NBPF10: variants seen among roughly 807,000 people sequenced by gnomAD.
NBPF10 encodes the protein NBPF member 10.
A neutral mutation model predicts 77.9 loss-of-function variants in NBPF10; 63 were observed. The observed-to-expected ratio is 0.81, with a 90% CI of 0.66 to 1.00. The LOEUF (loss-of-function observed/expected upper bound fraction) is 1.00, where lower values mean the gene tolerates loss of function less well. Ranked by LOEUF, NBPF10 falls within the 50% of genes least tolerant of loss-of-function variation. The pLI, the probability that NBPF10 is intolerant of heterozygous loss-of-function variation, is 0.00. For synonymous variants in NBPF10, 146 were observed against 264.5 expected, an observed-to-expected ratio of 0.55 and a Z score of 4.35; for missense variants, 522 against 679.8, an observed-to-expected ratio of 0.77 and a Z score of 2.58.
At chr1:146,139,356 G>A (rs79498132) in intron 5 of NBPF10, among the ~76,000 whole-genome samples, 13 of 151,112 alleles carry the variant, frequency 8.6e-5, no homozygotes, top group African/African-American at 1.5e-4. Context: ...TGATCCACCC[G>A]CCTCGGCCTC....
At chr1:146,069,569 C>T (rs374175846) in exon 86 of NBPF10, 484,573 of 879,198 alleles carry the variant, frequency 0.55, 85,557 homozygotes, top group Admixed American at 0.64. Context: ...CAAGCCAACA[C>T]GCTGTTGCTC....
Position 146,069,639 on chromosome 1 carries a change from A to C in NBPF10, c.10714T>G (p.Ser3572Ala), listed in dbSNP as rs782059720. 1.5e-5 allele frequency: 24 copies of C among 1,553,676 alleles called. No individual in the cohort carries two copies. The East Asian group carries it at 4.1e-4, about 26-fold the overall frequency. ...GAGTCACACAGTTCAAGACAACCTG[A>C]AGGAGTTGAATAACATCTATCCAGT... The change falls in exon 86 of 90, where the codon TCA (serine) becomes GCA (alanine). Residue 3572 changes from serine (S) to alanine (A), a missense_variant. Around this residue, in one of 9 missense-constraint regions of NBPF10, gnomAD observed 183 missense variants for 96.6 expected, o/e 1.89. Transcript: ENST00000583866.
intron 14 of NBPF10, 32 bp downstream of exon 14, chr1:146,126,204 G>A (rs782414421): frequency 1.8e-5 from 24 of 1,302,338 alleles, no homozygotes; most frequent in Non-Finnish European, 2.7e-5. Flanking sequence ...AGACTCAGTG[G>A]ATCCTTATCA....
intron 89 of NBPF10, 56 bp from the exon 90 acceptor site, chr1:146,066,617 C>G (rs1157558628): frequency 5.6e-6 from 3 of 533,596 alleles, no homozygotes; most frequent in African/African-American, 4.6e-5. Flanking sequence ...CACCACAGAG[C>G]CCCAGCTAGA....
chr1:146,109,358 A>AAT (rs2102117255), intron 35 of NBPF10, among the ~76,000 whole-genome samples: 1 of 58,910 alleles, frequency 1.7e-5, no homozygotes, highest in African/African-American at 5.0e-5. Context: ...AGAGAGAGAG[A>AAT]GAGAACGAGC....
intron 88 of NBPF10, among the ~76,000 whole-genome samples, chr1:146,067,769 G>C (rs1230381607): frequency 5.3e-4 from 81 of 151,482 alleles, no homozygotes; most frequent in African/African-American, 1.8e-3. Context: ...CATGAGAATA[G>C]GATCAGGGCG....
rs2102240791 is a variant in NBPF10 at position 146,144,629 on chromosome 1, CAGTTG to C, written c.136_140del (p.Gln46GlyfsTer14). 2 of 1,237,124 alleles carry C rather than the reference CAGTTG, an allele frequency of 1.6e-6. 1 individual carries two copies. The highest frequency in any genetic ancestry group is 7.7e-5 in the African/African-American group (2 of 25,840). 76.6% of individuals were successfully genotyped at this position (1,237,124 alleles called of 1,614,324 possible). On this transcript the variant is annotated frameshift_variant, in exon 1 of 90. Coordinates refer to ENST00000583866, the Ensembl canonical transcript of NBPF10. LOFTEE classifies it high-confidence loss of function. ...TCTGTCGGTTGGCCAGGAAGCCGGC[CAGTTG>C]AGTTAGAAAACATTTCTCTTTGAGG...
In NBPF10 at chr1:146,141,742, C is replaced by T. The variant is rs782274920; in HGVS notation, c.355G>A (p.Ala119Thr). Reference sequence around the variant, plus strand: ...AGATGCTCATACAATGAGCGGGAGGCATCTCTCCCTTCCCGTAACTTCTCC... The same window carrying T: ...AGATGCTCATACAATGAGCGGGAGGTATCTCTCCCTTCCCGTAACTTCTCC... The change falls in exon 3 of 90, where the codon GCC (alanine) becomes ACC (threonine). Residue 119 changes from alanine (A) to threonine (T), a missense_variant. This residue lies in a region of NBPF10 where 71 missense variants were observed against 114.9 expected (regional missense o/e 0.62). Coordinates refer to ENST00000583866, the Ensembl canonical transcript of NBPF10. 6.3e-5 allele frequency: 83 copies of T among 1,326,374 alleles called. 26 individuals carry two copies. Among genetic ancestry groups the T allele is most frequent in the Non-Finnish European group, 7.7e-5 (74 of 959,208 alleles). The allele number at this position is 1,326,374 out of a possible 1,614,324, so 82.2% of individuals were successfully genotyped here. A position where few individuals can be genotyped will look rare whatever the true frequency, so the allele number is the denominator to read the frequency against.
At chr1:146,069,890 A>C (rs1307232900) in intron 85 of NBPF10, among the ~76,000 whole-genome samples, 175 bp from the exon 86 acceptor site, 1 of 115,788 alleles carries the variant, frequency 8.6e-6, no homozygotes, top group African/African-American at 3.4e-5. Flanking sequence ...GGTAGAAAAC[A>C]ATGAAAGAGA....
rs1443240190 is a variant in NBPF10 at position 146,067,571 on chromosome 1, T to C, written c.11036-283A>G. 4.0e-5 allele frequency among the ~76,000 whole-genome samples: 6 copies of C among 150,226 alleles called. No homozygotes were observed. In the South Asian group the frequency reaches 1.1e-3, roughly 26 times the overall value. On this transcript the variant is annotated intron_variant, in intron 88 of 89. Coordinates refer to ENST00000583866, the Ensembl canonical transcript of NBPF10. Reference sequence around the variant, plus strand: ...TTACGCCATATTTTTCCAATCAACGTAAAGCAAATACCCTCAATGATTTCT... The same window carrying C: ...TTACGCCATATTTTTCCAATCAACGCAAAGCAAATACCCTCAATGATTTCT...
intron 11 of NBPF10, among the ~76,000 whole-genome samples, chr1:146,129,381 A>C (rs1659058363): frequency 7.6e-6 from 1 of 131,852 alleles, no homozygotes. Context: ...GATCAAGTGC[A>C]AGAAATGGTA....
rs782369517 is a variant in NBPF10 at position 146,126,426 on chromosome 1, A to C, written c.1854-18T>G. On this transcript the variant is annotated intron_variant, in intron 13 of 89. Coordinates refer to ENST00000583866, the Ensembl canonical transcript of NBPF10. ...TGCTGAGCGTGGAAAAGTAGGAAAA[A>C]GTAAAGAATAAGCCAGGGGGAATCA... 9.4e-7 allele frequency: 1 copy of C among 1,068,526 alleles called. No individual in the cohort carries two copies. The highest frequency in any genetic ancestry group is 1.3e-5 in the South Asian group (1 of 79,644). The allele number at this position is 1,068,526 out of a possible 1,614,324, so 66.2% of individuals were successfully genotyped here.
intron 19 of NBPF10, among the ~76,000 whole-genome samples, chr1:146,121,986 CTG>C (rs1658234397): frequency 1.7e-5 from 2 of 119,102 alleles, no homozygotes; most frequent in Non-Finnish European, 3.4e-5. Flanking sequence ...ACACAGCAAA[CTG>C]TGATCATGAA....
At chr1:146,092,844 GC>G (rs1656946858) in intron 56 of NBPF10, among the ~76,000 whole-genome samples, 1 of 119,550 alleles carries the variant, frequency 8.4e-6, no homozygotes, top group Admixed American at 8.3e-5. Flanking sequence ...GATTTTAGAC[GC>G]TGAAATTAGA....
rs868931825 is a variant in NBPF10, at chr1:146,114,059, C to T, written c.3768-235G>A. 2.5e-4 allele frequency among the ~76,000 whole-genome samples: 5 copies of T among 19,608 alleles called. 1 individual carries two copies. Among genetic ancestry groups the T allele is most frequent in the African/African-American group, 7.4e-4 (5 of 6,790 alleles). The allele number at this position is 19,608 out of a possible 152,430, so 12.9% of individuals were successfully genotyped here. On this transcript the variant is annotated intron_variant, in intron 29 of 89. Coordinates refer to ENST00000583866, the Ensembl canonical transcript of NBPF10. ...ACACACACACACACACACACACACA[C>T]ACACAGAGAGAGAGAGAGAGAACGA...
intron 5 of NBPF10, among the ~76,000 whole-genome samples, chr1:146,138,788 TTTTG>T (rs1311863471): frequency 7.3e-6 from 1 of 137,122 alleles, no homozygotes; most frequent in Non-Finnish European, 1.7e-5. Flanking sequence ...TTTTTTGGTT[TTTTG>T]TTTTTTGTTT....
At chr1:146,125,759 G>T (rs1157890579) in intron 14 of NBPF10, among the ~76,000 whole-genome samples, 6 of 141,934 alleles carry the variant, frequency 4.2e-5, no homozygotes, top group Non-Finnish European at 7.6e-5. Flanking sequence ...TTTGTCCCAA[G>T]TTTGTGCAAA....
intron 77 of NBPF10, among the ~76,000 whole-genome samples, chr1:146,076,302 C>G (rs1348884129): frequency 0.022 from 107 of 4,832 alleles, 1 homozygote; most frequent in African/African-American, 0.037. Context: ...CACACACACA[C>G]AGAGAGAGAG....
chr1:146,081,208 TAC>T (rs1553781547), intron 71 of NBPF10, among the ~76,000 whole-genome samples: 15 of 18,300 alleles, frequency 8.2e-4, no homozygotes, highest in Middle Eastern at 0.029. Context: ...GCCATGAGAA[TAC>T]AGTTTTTGAA....
Sources: gnomAD v4.1 joint callset for allele counts (sites outside exome capture counted in the v4.1 genomes callset) on GRCh38, gnomAD v4.1.1 for gene constraint, gnomAD v4.1.1 regional missense constraint, MANE v1.5 for transcripts, NCBI Gene and HGNC (gene_info 2026-07-23, HGNC 2026-07-21) for gene names.